Variants in EPC2 observed in about 807,000 individuals in gnomAD.
EPC2 encodes the protein enhancer of polycomb 2.
EPC2 carries 14 observed loss-of-function variants against 92.1 expected under a neutral mutation model. The observed-to-expected ratio is 0.15, with a 90% confidence interval of 0.10 to 0.24. The LOEUF (loss-of-function observed/expected upper bound fraction) is 0.24. Ranked by LOEUF, EPC2 falls within the 10% of genes least tolerant of loss-of-function variation. EPC2 has a pLI of 1.00. For missense variants in EPC2, 755 were observed against 971.5 expected (o/e 0.78, Z 2.96); for synonymous variants, 340 against 334.7 (o/e 1.02, Z -0.17).
rs1293229115 is a variant in EPC2, at chr2:148,743,909, T to A, written c.459+142T>A. The A allele has an allele frequency of 5.1e-6, 3 of 589,120 alleles. No homozygotes were observed. The African/African-American group carries it at 5.8e-5, about 11-fold the overall frequency. 36.5% of individuals were successfully genotyped at this position (589,120 alleles called of 1,614,324 possible). A position where few individuals can be genotyped will look rare whatever the true frequency, so the allele number is the denominator to read the frequency against. On this transcript the variant is annotated intron_variant, in intron 3 of 13. Transcript: ENST00000258484. ...ATTTCTGTTTACAATGTTCCGTGAG[T>A]GGAGAGTACTTAAGCACAATTTCTT...
At chr2:148,663,260 C>T (rs1680982723) in intron 1 of EPC2, among the ~76,000 whole-genome samples, 2 of 147,484 alleles carry the variant, frequency 1.4e-5, no homozygotes, top group South Asian at 4.2e-4. Flanking sequence ...AGTCTCTCGC[C>T]CAAGCTGGAA....
At chr2:148,763,484 T>C (rs187588256) in intron 6 of EPC2, among the ~76,000 whole-genome samples, 1 of 152,300 alleles carries the variant, frequency 6.6e-6, no homozygotes, top group Non-Finnish European at 1.5e-5. Flanking sequence ...GAAACAGATA[T>C]TGACTGAAGC....
In EPC2 at chr2:148,771,184, A is replaced by G. The variant is rs1026911525; in HGVS notation, c.1517A>G (p.His506Arg). The change falls in exon 10 of 14, where the codon CAT becomes CGT. Residue 506 changes from histidine (H) to arginine (R), a missense_variant. By Grantham distance (29) the His-to-Arg change is conservative. Coordinates refer to ENST00000258484, the MANE Select transcript of EPC2 (RefSeq NM_015630.4). Reference sequence around the variant, plus strand: ...TCTCGGACCAATGCTTCCAGTAAACATTGTGAAAATAGACTGTCTCTTTCT... The same window carrying G: ...TCTCGGACCAATGCTTCCAGTAAACGTTGTGAAAATAGACTGTCTCTTTCT... ...NFSRTNASSK[H>R]CENRLSLSEI... The G allele has an allele frequency of 8.7e-6, 14 of 1,613,852 alleles. No homozygotes were observed. The highest frequency in any genetic ancestry group is 1.2e-5 in the Non-Finnish European group (14 of 1,179,878).
intron 11 of EPC2, 52 bp downstream of exon 11, chr2:148,781,832 G>C (rs898071908): frequency 6.3e-7 from 1 of 1,599,350 alleles, no homozygotes; most frequent in South Asian, 1.1e-5. Flanking sequence ...TCATTATGTA[G>C]TTTTATTCCA....
chr2:148,710,463 T>C (rs967900799), intron 2 of EPC2, among the ~76,000 whole-genome samples: 8 of 152,198 alleles, frequency 5.3e-5, no homozygotes, highest in Admixed American at 4.6e-4. Context: ...GATCTAGAAC[T>C]AGAAATACCA....
intron 12 of EPC2, 149 bp downstream of exon 12, chr2:148,783,905 G>A (rs1683807742): frequency 2.6e-6 from 2 of 783,762 alleles, no homozygotes; most frequent in Non-Finnish European, 4.0e-6. Context: ...GTGGGAAATA[G>A]GTAGATGTTT....
At chr2:148,649,966 T>G (rs1032002402) in intron 1 of EPC2, among the ~76,000 whole-genome samples, 3 of 152,242 alleles carry the variant, frequency 2.0e-5, no homozygotes, top group Non-Finnish European at 4.4e-5. Context: ...TTCTTTTTTC[T>G]TAGCAGTTTG....
chr2:148,761,968 T>C (rs760222941), intron 5 of EPC2, 38 bp downstream of exon 5: 58 of 1,522,884 alleles, frequency 3.8e-5, no homozygotes, highest in Non-Finnish European at 5.1e-5. Flanking sequence ...AATGACAACT[T>C]TACCAAATGA....
At chr2:148,762,011 G>A (rs1033530265) in intron 5 of EPC2, 81 bp downstream of exon 5, 42 of 1,215,714 alleles carry the variant, frequency 3.5e-5, no homozygotes, top group Middle Eastern at 3.8e-4. Flanking sequence ...TTTTAGGGGG[G>A]AACAGGTTAA....
chr2:148,754,850 A>ATC (rs1429741483), intron 4 of EPC2, among the ~76,000 whole-genome samples: 1 of 152,228 alleles, frequency 6.6e-6, no homozygotes, highest in East Asian at 1.9e-4. Context: ...ATGATATGGT[A>ATC]TAGAGGAAAG....
intron 2 of EPC2, among the ~76,000 whole-genome samples, chr2:148,730,754 A>G (rs1334353044): frequency 2.0e-5 from 3 of 152,204 alleles, no homozygotes; most frequent in East Asian, 1.9e-4. Flanking sequence ...TTATTTAAAT[A>G]CTTCTTAGTT....
intron 1 of EPC2, among the ~76,000 whole-genome samples, chr2:148,685,928 A>G (rs538922737): frequency 2.5e-4 from 38 of 152,326 alleles, no homozygotes; most frequent in African/African-American, 8.2e-4. Context: ...GTTATTCACA[A>G]TCTTTTTACT....
chr2:148,785,060 A>G, intron 13 of EPC2, 59 bp downstream of exon 13: 1 of 1,396,610 alleles, frequency 7.2e-7, no homozygotes, highest in Non-Finnish European at 9.4e-7. Flanking sequence ...TGTGGGAAGA[A>G]AAAGACTTTT....
intron 1 of EPC2, among the ~76,000 whole-genome samples, chr2:148,647,619 CTTTTTTTTTTTTT>C (rs55731814): frequency 1.2e-3 from 77 of 63,738 alleles, no homozygotes; most frequent in Admixed American, 2.8e-3. Context: ...GCCTTGCAGA[CTTTTTTTTTTTTT>C]TTTTTTTTTT....
chr2:148,761,589 C>T (rs967475348), intron 4 of EPC2, among the ~76,000 whole-genome samples, 193 bp from the exon 5 acceptor site: 5 of 152,112 alleles, frequency 3.3e-5, no homozygotes, highest in South Asian at 4.1e-4. Context: ...TTCTGAGTGT[C>T]GAGAGATACT....
chr2:148,740,119 T>C (rs930145051), intron 2 of EPC2, among the ~76,000 whole-genome samples: 17 of 151,956 alleles, frequency 1.1e-4, no homozygotes, highest in Non-Finnish European at 1.8e-4. Context: ...TTTCAAAAAG[T>C]GAGGTATCAA....
chr2:148,663,580 A>G (rs1410525796), intron 1 of EPC2, among the ~76,000 whole-genome samples: 1 of 143,052 alleles, frequency 7.0e-6, no homozygotes, highest in Non-Finnish European at 1.5e-5. Context: ...CAGTTTTACT[A>G]TATAGATTAA....
intron 1 of EPC2, among the ~76,000 whole-genome samples, chr2:148,664,282 C>T (rs147061143): frequency 2.0e-5 from 3 of 152,104 alleles, no homozygotes; most frequent in South Asian, 2.1e-4. Flanking sequence ...GTGGATTGCT[C>T]GAGTCCAGGA....
At chr2:148,646,484 C>T (rs1012921520) in intron 1 of EPC2, among the ~76,000 whole-genome samples, 2 of 151,918 alleles carry the variant, frequency 1.3e-5, no homozygotes, top group Non-Finnish European at 2.9e-5. Flanking sequence ...GATATATATA[C>T]ACGCACATAC....
Sources: allele counts gnomAD v4.1 joint callset (sites outside exome capture counted in the v4.1 genomes callset), GRCh38; gene constraint gnomAD v4.1.1; transcripts MANE v1.5; gene names NCBI Gene and HGNC (gene_info 2026-07-23, HGNC 2026-07-21).